PWWP2A: variants seen among roughly 807,000 people sequenced by gnomAD.
PWWP2A encodes PWWP domain containing 2A, also known as PWWP domain-containing protein 2A.
PWWP2A carries 18 observed loss-of-function variants against 48.5 expected under a neutral mutation model. The observed-to-expected ratio is 0.37, with a 90% confidence interval of 0.26 to 0.55. PWWP2A has a LOEUF of 0.55. Among genes scored for constraint, PWWP2A ranks in the 20% least tolerant of loss-of-function variants. PWWP2A has a pLI of 0.81. For synonymous variants in PWWP2A, 396 were observed against 387.7 expected, an observed-to-expected ratio of 1.02 and a Z score of -0.25; for missense variants, 867 against 976.4, an observed-to-expected ratio of 0.89 and a Z score of 1.49.
At position 160,092,541 on chromosome 5, in the gene PWWP2A, G is replaced by A. The variant is rs1449927985; in HGVS notation, c.2109C>T (p.Phe703=). ...ISWFGSPTTS[F]LALSQLSPFL... is the part of the protein sequence containing the mutation. ...AGGGGGAGAGTTGTGAAAGAGCAAG[G>A]AAAGATGTTGTTGGAGACCCAAACC... The change falls in exon 2 of 2, where the codon TTC becomes TTT. Residue 703 remains phenylalanine (F), a synonymous_variant. Transcript: ENST00000307063. The A allele has an allele frequency of 1.3e-6, 2 of 1,551,632 alleles. No homozygotes were observed. Among genetic ancestry groups the A allele is most frequent in the East Asian group, 2.4e-5 (1 of 40,912 alleles).
chr5:160,079,594 G>A (rs1313129646), intron 3 of PWWP2A, among the ~76,000 whole-genome samples: 1 of 152,096 alleles, frequency 6.6e-6, no homozygotes, highest in East Asian at 1.9e-4. Flanking sequence ...TAAACTGAAG[G>A]AAGAAAAGGT....
At chr5:160,059,633 G>A (rs905397570), downstream of PWWP2A, among the ~76,000 whole-genome samples, 2 of 152,204 alleles carry the variant, frequency 1.3e-5, no homozygotes, top group African/African-American at 4.8e-5. Context: ...AGGGAAGAGG[G>A]AAGCCTGAGG....
intron 1 of PWWP2A, among the ~76,000 whole-genome samples, chr5:160,109,766 AAAAAAAAAATAT>A (rs1392639900): frequency 1.3e-4 from 6 of 47,506 alleles, no homozygotes; most frequent in East Asian, 1.0e-3. Context: ...GGAAAAAAAA[AAAAAAAAAATAT>A]ATATATATAT....
At chr5:160,048,471 A>G in the PWWP2A span, among the ~76,000 whole-genome samples, 3 of 152,258 alleles carry the variant, frequency 2.0e-5, no homozygotes, top group South Asian at 6.2e-4. Flanking sequence ...GCTTTCTAAT[A>G]GAAAAAGAAA....
downstream of PWWP2A, among the ~76,000 whole-genome samples, chr5:160,072,280 G>C (rs936987002): frequency 3.3e-5 from 5 of 152,142 alleles, no homozygotes; most frequent in Non-Finnish European, 5.9e-5. Flanking sequence ...GCTTGCTTCA[G>C]CAGCACATAT....
chr5:160,113,745 T>C (rs899089381), intron 1 of PWWP2A, among the ~76,000 whole-genome samples: 2 of 152,200 alleles, frequency 1.3e-5, no homozygotes, highest in African/African-American at 4.8e-5. Flanking sequence ...ACTATATCCT[T>C]TATATTATCT....
intron 1 of PWWP2A, among the ~76,000 whole-genome samples, chr5:160,115,041 G>A (rs1581287492): frequency 6.7e-6 from 1 of 148,268 alleles, no homozygotes; most frequent in Admixed American, 7.0e-5. Flanking sequence ...GGAGGCTGAG[G>A]CAGAAGAATC....
At chr5:160,099,186 T>C (rs1290615734) in intron 1 of PWWP2A, among the ~76,000 whole-genome samples, 1 of 152,228 alleles carries the variant, frequency 6.6e-6, no homozygotes, top group Non-Finnish European at 1.5e-5. Context: ...ATTGAACAAG[T>C]GTTTAGGTGA....
chr5:160,058,240 C>T (rs116661678), downstream of PWWP2A, among the ~76,000 whole-genome samples: 465 of 152,276 alleles, frequency 3.1e-3, 4 homozygotes, highest in African/African-American at 0.011. Flanking sequence ...TCAAGCGCCA[C>T]TCGAATTCTA....
downstream of PWWP2A, chr5:160,089,866 T>G (rs1288529215): frequency 1.0e-6 from 1 of 985,162 alleles, no homozygotes; most frequent in African/African-American, 1.7e-5. Flanking sequence ...AAGAGAAATA[T>G]AAAGTGGCTA....
chr5:160,063,966 C>CTTTT lies in PWWP2A; in HGVS notation c.*237-297_*237-294dup, dbSNP rs34967107. Reference sequence around the variant, plus strand: ...AAGAACCGCTGGCTATAGACCATGACTTTTTTTTTTTTTTTTTTTTGAGAC... The same window carrying CTTTT: ...AAGAACCGCTGGCTATAGACCATGACTTTTTTTTTTTTTTTTTTTTTTTTGAGAC... On this transcript the variant is annotated intron_variant and NMD_transcript_variant, in intron 4 of 5. Transcript: ENST00000524050. Among the ~76,000 whole-genome samples the CTTTT allele has an allele frequency of 2.2e-3, 231 of 106,596 alleles. 5 individuals are homozygous for CTTTT. The highest frequency in any genetic ancestry group is 2.9e-3 in the Admixed American group (25 of 8,540). The allele number at this position is 106,596 out of a possible 152,430, so 69.9% of individuals were successfully genotyped here.
the PWWP2A span, chr5:160,049,745 C>T: frequency 8.5e-7 from 1 of 1,175,500 alleles, no homozygotes; most frequent in Non-Finnish European, 1.1e-6. Context: ...CTTTCAGACA[C>T]AATTAAATTC....
intron 3 of PWWP2A, among the ~76,000 whole-genome samples, chr5:160,079,040 C>A (rs1186779527): frequency 6.6e-6 from 1 of 152,134 alleles, no homozygotes; most frequent in Non-Finnish European, 1.5e-5. Context: ...AACCTGGAAA[C>A]CCAAGTACCA....
At chr5:160,096,279 G>T (rs1486339722) in intron 1 of PWWP2A, among the ~76,000 whole-genome samples, 2 of 151,874 alleles carry the variant, frequency 1.3e-5, no homozygotes, top group Non-Finnish European at 2.9e-5. Context: ...AAAAGGAAAG[G>T]TACCTCCTAT....
downstream of PWWP2A, among the ~76,000 whole-genome samples, chr5:160,058,409 C>CTTTTT (rs1171929571): frequency 2.3e-5 from 3 of 129,776 alleles, no homozygotes; most frequent in Admixed American, 7.9e-5. Context: ...AAGTGTATTT[C>CTTTTT]TTTTTTTTTT....
chr5:160,105,239 C>CAAA (rs70990704), intron 1 of PWWP2A, among the ~76,000 whole-genome samples: 49 of 48,962 alleles, frequency 1.0e-3, no homozygotes, highest in African/African-American at 2.3e-3. Context: ...GTCTCTAAGG[C>CAAA]AAAAAAAAAA....
In PWWP2A at chr5:160,094,253, T is replaced by C. The variant is rs540785160; in HGVS notation, c.585-188A>G. Among the ~76,000 whole-genome samples the C allele has an allele frequency of 7.9e-5, 12 of 152,332 alleles. No individual in the cohort carries two copies. In the South Asian group the frequency reaches 1.0e-3, roughly 13 times the overall value. On this transcript the variant is annotated intron_variant, in intron 1 of 1. Transcript: ENST00000307063. The stretch of plus-strand genomic sequence containing the variant: ...GTTCAAAGACCTTCATTTCTTTAGG[T>C]TCTACATTTTTGGTAAAAACAAACA...
chr5:160,114,333 A>G (rs1200843890), intron 1 of PWWP2A, among the ~76,000 whole-genome samples: 1 of 151,708 alleles, frequency 6.6e-6, no homozygotes, highest in African/African-American at 2.4e-5. Context: ...GGAGTTCAAG[A>G]TGCGCCTGGC....
the PWWP2A span, among the ~76,000 whole-genome samples, chr5:160,048,808 G>A: frequency 1.6e-4 from 25 of 152,186 alleles, no homozygotes; most frequent in African/African-American, 5.5e-4. Context: ...AAAATTAGCC[G>A]GGCATGGTGG....
Sources: allele counts gnomAD v4.1 joint callset (sites outside exome capture counted in the v4.1 genomes callset), GRCh38; gene constraint gnomAD v4.1.1; transcripts MANE v1.5; gene names NCBI Gene and HGNC (gene_info 2026-07-23, HGNC 2026-07-21).